FRMPD4: variants seen among roughly 807,000 people sequenced by gnomAD.
FRMPD4 encodes the protein FERM and PDZ domain containing 4.
In FRMPD4, 22 loss-of-function variants were observed where a neutral mutation model predicts 94.1. The observed-to-expected ratio is 0.23, with a 90% CI of 0.17 to 0.33. FRMPD4 has a LOEUF of 0.33. Among genes scored for constraint, FRMPD4 ranks in the 10% least tolerant of loss-of-function variants. The pLI is 1.00. For missense variants in FRMPD4, 1,111 were observed against 1,339.9 expected, an observed-to-expected ratio of 0.83 and a Z score of 2.67; for synonymous variants, 631 against 548.6, an observed-to-expected ratio of 1.15 and a Z score of -2.10.
At chrX:12,668,597 CTTT>C (rs61675840) in intron 4 of FRMPD4, among the ~76,000 whole-genome samples, 1 of 71,614 alleles carries the variant, frequency 1.4e-5, no homozygotes, top group Non-Finnish European at 2.5e-5. Context: ...ATGGAAACTA[CTTT>C]TTTTTTTTTT....
chrX:12,644,614 A>T (rs1303473936), intron 4 of FRMPD4, among the ~76,000 whole-genome samples: 5 of 111,460 alleles, frequency 4.5e-5, no homozygotes, highest in Non-Finnish European at 9.4e-5. Context: ...AGAGGGCAGA[A>T]AAAGGCTTCT....
At chrX:12,657,882 G>T (rs1220439092) in intron 4 of FRMPD4, among the ~76,000 whole-genome samples, 4 of 112,106 alleles carry the variant, frequency 3.6e-5, no homozygotes, top group African/African-American at 1.3e-4. Flanking sequence ...TTTTCTAACT[G>T]GTTTCTGCCA....
chrX:12,284,307 T>G (rs1023865701), intron 1 of FRMPD4, among the ~76,000 whole-genome samples: 2 of 111,893 alleles, frequency 1.8e-5, no homozygotes, highest in Non-Finnish European at 3.8e-5. Context: ...ATGGACAGAT[T>G]TGACATACTG....
intron 1 of FRMPD4, among the ~76,000 whole-genome samples, chrX:12,146,726 G>A (rs1348064192): frequency 8.9e-6 from 1 of 112,382 alleles, no homozygotes; most frequent in East Asian, 2.8e-4. Flanking sequence ...TCTTTTATTA[G>A]CGAAGATAAT....
At chrX:12,336,565 G>T (rs771816892) in intron 1 of FRMPD4, among the ~76,000 whole-genome samples, 1 of 111,418 alleles carries the variant, frequency 9.0e-6, no homozygotes, top group East Asian at 2.8e-4. Context: ...CTGGTACACT[G>T]CTGATTCATG....
intron 1 of FRMPD4, among the ~76,000 whole-genome samples, chrX:12,246,049 T>C (rs2053953375): frequency 8.9e-6 from 1 of 112,134 alleles, no homozygotes; most frequent in Admixed American, 9.4e-5. Context: ...ATGGTTCCAG[T>C]ATCTTCTGCT....
chrX:12,150,887 A>G (rs2098570784), intron 1 of FRMPD4, among the ~76,000 whole-genome samples: 1 of 111,608 alleles, frequency 9.0e-6, no homozygotes, highest in South Asian at 3.7e-4. Flanking sequence ...TTAATGTGAT[A>G]TTAAAGAACC....
intron 1 of FRMPD4, among the ~76,000 whole-genome samples, chrX:12,473,791 A>G (rs1431322586): frequency 3.6e-5 from 4 of 110,496 alleles, no homozygotes; most frequent in Non-Finnish European, 7.5e-5. Flanking sequence ...TGCACCCAAT[A>G]TAGGAGCACC....
chrX:12,277,652 C>T (rs1490178965), intron 1 of FRMPD4, among the ~76,000 whole-genome samples: 1 of 111,641 alleles, frequency 9.0e-6, no homozygotes, highest in East Asian at 2.8e-4. Flanking sequence ...ACCAGAGTAC[C>T]CTTCTAGGAC....
At chrX:12,196,669 T>C (rs2056571359) in intron 1 of FRMPD4, among the ~76,000 whole-genome samples, 1 of 108,160 alleles carries the variant, frequency 9.2e-6, no homozygotes. Flanking sequence ...CTATATATTA[T>C]ATATAATTTA....
intron 1 of FRMPD4, among the ~76,000 whole-genome samples, chrX:12,156,497 C>T (rs1192620517): frequency 2.7e-5 from 3 of 111,502 alleles, no homozygotes; most frequent in African/African-American, 9.8e-5. Context: ...ACTGATTCAT[C>T]GGCTGGTGAC....
chrX:12,266,132 C>CAAAAAAAAAAAAAAAAAAAAAAAAA (rs3990340), intron 1 of FRMPD4, among the ~76,000 whole-genome samples: 1 of 25,771 alleles, frequency 3.9e-5, no homozygotes, highest in African/African-American at 1.4e-4. Flanking sequence ...GACTCCGTCT[C>CAAAAAAAAAAAAAAAAAAAAAAAAA]AAAAAAAAAA....
At chrX:12,701,780 G>T (rs1181835649) in intron 9 of FRMPD4, 94 bp from the exon 10 acceptor site, 1 of 949,205 alleles carries the variant, frequency 1.1e-6, no homozygotes, top group East Asian at 3.1e-5. Context: ...AGTGAAGGTT[G>T]AATCACTCGG....
rs2147124652 is a variant in FRMPD4 at position 12,694,318 on chromosome X, T to C, written c.814-17T>C. ...TCAGCACTGAAGGGTTCTTGTGTGA[T>C]TGGTCTACTCTTCCAGGTGACACAG... On this transcript the variant is annotated splice_polypyrimidine_tract_variant and intron_variant, in intron 8 of 16. Transcript: ENST00000675598. 1 of 1,194,726 alleles carries C rather than the reference T, an allele frequency of 8.4e-7. No individual in the cohort carries two copies. The highest frequency in any genetic ancestry group is 1.1e-6 in the Non-Finnish European group (1 of 880,138).
At chrX:12,332,192 A>T (rs895333773) in intron 1 of FRMPD4, among the ~76,000 whole-genome samples, 14 of 59,175 alleles carry the variant, frequency 2.4e-4, no homozygotes, top group Middle Eastern at 8.8e-3. Context: ...TTTATATTTT[A>T]TATATATATA....
chrX:11,861,389 G>C (rs916550110), intron 1 of FRMPD4, among the ~76,000 whole-genome samples: 16 of 109,160 alleles, frequency 1.5e-4, no homozygotes, highest in African/African-American at 5.3e-4. Context: ...AGGATCAATA[G>C]TACTTTGGGT....
chrX:12,217,020 G>A (rs1202820905), intron 1 of FRMPD4, among the ~76,000 whole-genome samples: 1 of 112,097 alleles, frequency 8.9e-6, no homozygotes, highest in Non-Finnish European at 1.9e-5. Context: ...AGGGGACACA[G>A]GTGGCACCTG....
chrX:12,716,012 C>CCCCCCCCCCAA, intron 14 of FRMPD4, 57 bp from the exon 15 acceptor site: 1 of 355,841 alleles, frequency 2.8e-6, no homozygotes, highest in Non-Finnish European at 5.0e-6. Context: ...CCCACCCCCG[C>CCCCCCCCCCAA]CCCACCCAAA....
At chrX:11,968,733 A>G (rs947756708) in intron 3 of FRMPD4, among the ~76,000 whole-genome samples, 7 of 111,650 alleles carry the variant, frequency 6.3e-5, no homozygotes, top group Non-Finnish European at 1.3e-4. Context: ...CCATAGGGTC[A>G]TTGTCAGGGT....
Sources: gnomAD v4.1 joint callset for allele counts (sites outside exome capture counted in the v4.1 genomes callset) on GRCh38, gnomAD v4.1.1 for gene constraint, MANE v1.5 for transcripts, NCBI Gene and HGNC (gene_info 2026-07-23, HGNC 2026-07-21) for gene names.